ATXN1: variants seen among roughly 807,000 people sequenced by gnomAD.
ATXN1 encodes ataxin 1.
A neutral mutation model predicts 56.4 loss-of-function variants in ATXN1; 8 were observed. The observed-to-expected ratio is 0.14, with a 90% CI of 0.08 to 0.26. ATXN1 has a LOEUF of 0.26. Among genes scored for constraint, ATXN1 ranks in the 10% least tolerant of loss-of-function variants. The probability of loss-of-function intolerance (pLI) is 1.00; values close to 1 mark genes in which losing one functional copy is unlikely to be tolerated. For synonymous variants in ATXN1, 514 were observed against 494.6 expected, an observed-to-expected ratio of 1.04 and a Z score of -0.52; for missense variants, 987 against 1,106.5, an observed-to-expected ratio of 0.89 and a Z score of 1.53.
At chr6:16,317,904 G>A (rs76907939) in intron 7 of ATXN1, among the ~76,000 whole-genome samples, 2,650 of 152,222 alleles carry the variant, frequency 0.017, 60 homozygotes, top group African/African-American at 0.055. Context: ...AGACAACACC[G>A]ACTCACTTCT....
At chr6:16,441,195 A>T (rs746549216) in intron 6 of ATXN1, among the ~76,000 whole-genome samples, 9 of 152,210 alleles carry the variant, frequency 5.9e-5, no homozygotes, top group Non-Finnish European at 1.2e-4. Context: ...TCCACGACCA[A>T]ATCACCTTGA....
intron 3 of ATXN1, among the ~76,000 whole-genome samples, chr6:16,625,829 G>A (rs1763397078): frequency 6.6e-6 from 1 of 151,900 alleles, no homozygotes; most frequent in Non-Finnish European, 1.5e-5. Flanking sequence ...AACATATTTG[G>A]AATGAGAATA....
intron 6 of ATXN1, among the ~76,000 whole-genome samples, chr6:16,452,761 C>G (rs1468736426): frequency 6.6e-6 from 1 of 152,196 alleles, no homozygotes; most frequent in Non-Finnish European, 1.5e-5. Context: ...TCCACCACAA[C>G]AAGTTTTATA....
At chr6:16,323,760 C>T (rs1237397398) in intron 7 of ATXN1, among the ~76,000 whole-genome samples, 1 of 152,096 alleles carries the variant, frequency 6.6e-6, no homozygotes, top group Admixed American at 6.6e-5. Context: ...TGACTCTTCA[C>T]TCATGTTTAT....
rs75082618 is a variant in ATXN1 at position 16,684,433 on chromosome 6, A to T, written c.-614-26532T>A. Among the ~76,000 whole-genome samples, 893 of 152,110 alleles carry T rather than the reference A, an allele frequency of 5.9e-3. 9 individuals are homozygous for T. The highest frequency in any genetic ancestry group is 0.02 in the African/African-American group (833 of 41,492). The stretch of plus-strand genomic sequence containing the variant: ...ATAAAGATTCTCAGGTCTCAGCCCC[A>T]CCCCTTACCCAAACCCTTGGCTAAT... On this transcript the variant is annotated intron_variant, in intron 2 of 7. Transcript: ENST00000436367.
At chr6:16,594,329 T>C (rs1762776825) in intron 3 of ATXN1, among the ~76,000 whole-genome samples, 1 of 151,620 alleles carries the variant, frequency 6.6e-6, no homozygotes, top group Non-Finnish European at 1.5e-5. Flanking sequence ...TAGTGCCAAA[T>C]TGCTTTCCCA....
At chr6:16,307,260 C>G (rs1760272492) in intron 7 of ATXN1, among the ~76,000 whole-genome samples, 1 of 152,196 alleles carries the variant, frequency 6.6e-6, no homozygotes, top group East Asian at 1.9e-4. Flanking sequence ...ATTTTATGAG[C>G]TCAATGGACA....
intron 6 of ATXN1, among the ~76,000 whole-genome samples, chr6:16,370,913 C>T (rs1762027506): frequency 6.6e-6 from 1 of 152,128 alleles, no homozygotes; most frequent in Admixed American, 6.5e-5. Flanking sequence ...ATTAATGGAG[C>T]TAAATATTAA....
At chr6:16,574,664 G>A (rs1762390368) in intron 4 of ATXN1, among the ~76,000 whole-genome samples, 1 of 152,108 alleles carries the variant, frequency 6.6e-6, no homozygotes, top group Admixed American at 6.5e-5. Context: ...GGCAAAAATA[G>A]TACAGAGCTC....
intron 4 of ATXN1, among the ~76,000 whole-genome samples, chr6:16,527,226 T>C (rs540855499): frequency 2.7e-4 from 41 of 152,184 alleles, no homozygotes; most frequent in Admixed American, 2.3e-3. Context: ...CCCCCGCGAC[T>C]AGTGACATTC....
chr6:16,574,646 C>T (rs895246412), intron 4 of ATXN1, among the ~76,000 whole-genome samples: 2 of 152,156 alleles, frequency 1.3e-5, no homozygotes, highest in Non-Finnish European at 2.9e-5. Context: ...TTTAGATTTA[C>T]AGAAAGCGGC....
At chr6:16,578,897 A>C (rs1187970491) in intron 4 of ATXN1, among the ~76,000 whole-genome samples, 1 of 152,248 alleles carries the variant, frequency 6.6e-6, no homozygotes, top group Non-Finnish European at 1.5e-5. Context: ...TTGTCTAAAC[A>C]GGACAGTCAG....
chr6:16,713,649 T>G (rs1342747269), intron 2 of ATXN1, among the ~76,000 whole-genome samples: 1 of 152,214 alleles, frequency 6.6e-6, no homozygotes, highest in Admixed American at 6.5e-5. Flanking sequence ...CTCCATGCAG[T>G]TCTCCACCCG....
chr6:16,445,569 A>T (rs1416808151), intron 6 of ATXN1, among the ~76,000 whole-genome samples: 4 of 151,760 alleles, frequency 2.6e-5, no homozygotes, highest in East Asian at 1.9e-4. Context: ...CATGTGCACA[A>T]TGTGCAGGTT....
chr6:16,321,147 G>T (rs991675635), intron 7 of ATXN1, among the ~76,000 whole-genome samples: 2 of 152,212 alleles, frequency 1.3e-5, no homozygotes, highest in Non-Finnish European at 2.9e-5. Context: ...GCCAGTTCCT[G>T]CATTTTCCAA....
chr6:16,347,011 G>A (rs562471509), intron 6 of ATXN1, among the ~76,000 whole-genome samples: 238 of 152,374 alleles, frequency 1.6e-3, no homozygotes, highest in Non-Finnish European at 2.5e-3. Flanking sequence ...GGGCAGTGAG[G>A]GGCTTAGCAG....
At chr6:16,413,338 T>C (rs1283398465) in intron 6 of ATXN1, among the ~76,000 whole-genome samples, 1 of 149,672 alleles carries the variant, frequency 6.7e-6, no homozygotes, top group Non-Finnish European at 1.5e-5. Context: ...AAGGAAACAC[T>C]GTTTTTGTTT....
rs535915820 is a variant in ATXN1, at chr6:16,619,157, G to A, written c.-488-33250C>T. ...TTTTTTAATTACAGTACTTAGTGTT[G>A]TCCAGAGTGCAGACACATGAACGTT... On this transcript the variant is annotated intron_variant, in intron 3 of 7. Transcript: ENST00000436367. Among the ~76,000 whole-genome samples the A allele has an allele frequency of 6.6e-5, 10 of 151,646 alleles. No individual in the cohort carries two copies. The South Asian group carries it at 1.9e-3, about 28-fold the overall frequency.
At chr6:16,389,502 T>G (rs999988749) in intron 6 of ATXN1, among the ~76,000 whole-genome samples, 27 of 152,288 alleles carry the variant, frequency 1.8e-4, no homozygotes, top group African/African-American at 6.3e-4. Context: ...CCTTTTGCCT[T>G]GAGAGTCCTT....
Sources: gnomAD v4.1 joint callset for allele counts (sites outside exome capture counted in the v4.1 genomes callset) on GRCh38, gnomAD v4.1.1 for gene constraint, MANE v1.5 for transcripts, NCBI Gene and HGNC (gene_info 2026-07-23, HGNC 2026-07-21) for gene names.